Variants in HSPG2 observed in about 807,000 individuals in gnomAD.
HSPG2 encodes the protein basement membrane-specific heparan sulfate proteoglycan core protein.
A neutral mutation model predicts 526.6 loss-of-function variants in HSPG2; 278 were observed. That is an observed-to-expected ratio of 0.53 (90% confidence interval 0.48 to 0.58). The LOEUF (loss-of-function observed/expected upper bound fraction) is 0.58, where lower values mean the gene tolerates loss of function less well. Among genes scored for constraint, HSPG2 ranks in the 20% least tolerant of loss-of-function variants. HSPG2 has a pLI of 0.00. For synonymous variants in HSPG2, 2,465 were observed against 2,555.4 expected (o/e 0.96, Z 1.07); for missense variants, 5,354 against 6,099.5 (o/e 0.88, Z 4.07).
chr1:21,825,693 C>T lies in HSPG2; in HGVS notation c.12590-914G>A, dbSNP rs547443315. 2.9e-3 allele frequency among the ~76,000 whole-genome samples: 441 copies of T among 152,320 alleles called. 2 individuals carry two copies. Among genetic ancestry groups the T allele is most frequent in the Admixed American group, 5.2e-3 (79 of 15,304 alleles). ...ACCTAACACCTATGATGTGGCTGTG[C>T]GGGGAGCGTCCCATCCAGCTACAGA... On this transcript the variant is annotated intron_variant, in intron 91 of 96. Coordinates refer to ENST00000374695, the MANE Select transcript of HSPG2 (RefSeq NM_005529.7).
At chr1:21,917,727 G>C (rs557847172) in intron 1 of HSPG2, among the ~76,000 whole-genome samples, 4 of 151,984 alleles carry the variant, frequency 2.6e-5, no homozygotes, top group Non-Finnish European at 4.4e-5. Context: ...CATGCCCTTC[G>C]AGCTAATCTA....
Position 21,875,150 on chromosome 1 carries a change from G to A in HSPG2, c.3303-148C>T, listed in dbSNP as rs959821836. 3.6e-5 allele frequency: 25 copies of A among 689,788 alleles called. No individual in the cohort carries two copies. The African/African-American group carries it at 3.9e-4, about 11-fold the overall frequency. 42.7% of individuals were successfully genotyped at this position (689,788 alleles called of 1,614,324 possible). On this transcript the variant is annotated intron_variant, in intron 25 of 96. Coordinates refer to ENST00000374695, the MANE Select transcript of HSPG2 (RefSeq NM_005529.7). ...CTGTCCAGATCTCCAGAGGCTGCGA[G>A]GACCGTGGCAAACAGCTGTTACCTG...
chr1:21,888,811 G>A (rs1347663958), intron 6 of HSPG2: 9 of 907,218 alleles, frequency 9.9e-6, no homozygotes, highest in Non-Finnish European at 1.4e-5. Context: ...CCCTAGCCAG[G>A]AGGACTTATT....
At chr1:21,899,914 C>T (rs918652605) in intron 1 of HSPG2, among the ~76,000 whole-genome samples, 3 of 152,234 alleles carry the variant, frequency 2.0e-5, no homozygotes, top group African/African-American at 7.2e-5. Flanking sequence ...ACCAGGGAGC[C>T]CAGGGTTGGC....
intron 1 of HSPG2, among the ~76,000 whole-genome samples, chr1:21,919,425 C>A (rs1401699940): frequency 3.2e-3 from 378 of 118,644 alleles, no homozygotes; most frequent in Middle Eastern, 4.2e-3. Flanking sequence ...GACCCTGTCT[C>A]AAAAAAAAAA....
intron 1 of HSPG2, among the ~76,000 whole-genome samples, chr1:21,899,019 T>C (rs1223439963): frequency 6.6e-6 from 1 of 152,108 alleles, no homozygotes; most frequent in African/African-American, 2.4e-5. Context: ...AACACACATC[T>C]GCAGGGAGAG....
intron 1 of HSPG2, among the ~76,000 whole-genome samples, chr1:21,927,440 C>CA: frequency 6.6e-6 from 1 of 152,114 alleles, no homozygotes; most frequent in Non-Finnish European, 1.5e-5. Context: ...GGACCAACTG[C>CA]AGGTTGGCCC....
chr1:21,854,130 A>G (rs1380865643), intron 50 of HSPG2, 63 bp downstream of exon 50: 47 of 1,489,490 alleles, frequency 3.2e-5, no homozygotes, highest in Non-Finnish European at 4.3e-5. Flanking sequence ...TGAAGAAGCC[A>G]CAGGCATCTT....
chr1:21,910,341 C>T (rs1643596201), intron 1 of HSPG2, among the ~76,000 whole-genome samples: 1 of 152,220 alleles, frequency 6.6e-6, no homozygotes, highest in African/African-American at 2.4e-5. Flanking sequence ...CCCTGCCAGG[C>T]CCTGAGGCCC....
At chr1:21,918,378 T>C (rs996472785) in intron 1 of HSPG2, among the ~76,000 whole-genome samples, 12 of 150,628 alleles carry the variant, frequency 8.0e-5, no homozygotes, top group African/African-American at 2.7e-4. Flanking sequence ...GGCAGGAGAA[T>C]CACTTGAACC....
chr1:21,870,696 G>T, intron 33 of HSPG2: 1 of 378,326 alleles, frequency 2.6e-6, no homozygotes, highest in Non-Finnish European at 3.6e-6. Context: ...CAACCCTGGG[G>T]TCATGGGACA....
intron 69 of HSPG2, 74 bp downstream of exon 69, chr1:21,841,928 C>T (rs951610756): frequency 3.1e-6 from 5 of 1,590,786 alleles, no homozygotes; most frequent in Non-Finnish European, 4.3e-6. Flanking sequence ...TTCTGCCCCA[C>T]CCTTGCACAG....
chr1:21,906,960 G>A (rs757154125), intron 1 of HSPG2, among the ~76,000 whole-genome samples: 31 of 152,240 alleles, frequency 2.0e-4, no homozygotes, highest in South Asian at 1.0e-3. Flanking sequence ...AAGAAAAGCC[G>A]CAAGGCCCCA....
rs1640114728 is a variant in HSPG2, at chr1:21,864,992, T to G, written c.4477A>C (p.Ile1493Leu). ...GGCACGGAGGAGAACGTGGCCCGGA[T>G]CAGGAGCTCATCCAGGTCGGCCAGT... ...MALADLDELL[I>L]RATFSSVPLA... is the part of the protein sequence containing the mutation. Residue 1493 changes from isoleucine to leucine, a missense_variant, in exon 36 of 97, where the codon ATC becomes CTC. Coordinates refer to ENST00000374695, the MANE Select transcript of HSPG2 (RefSeq NM_005529.7). This position sits in a 1 kb window ranked among gnomAD's most constrained non-coding sequence, Gnocchi z 4.8. 1 of 1,585,532 alleles carries G rather than the reference T, an allele frequency of 6.3e-7. No homozygotes were observed. Among genetic ancestry groups the G allele is most frequent in the South Asian group, 1.1e-5 (1 of 87,596 alleles).
intron 1 of HSPG2, among the ~76,000 whole-genome samples, chr1:21,900,795 G>T (rs1260767943): frequency 6.6e-6 from 1 of 152,118 alleles, no homozygotes; most frequent in African/African-American, 2.4e-5. Context: ...TGAGGTAGGA[G>T]AATTGCTTGA....
At position 21,827,931 on chromosome 1, in the gene HSPG2, G is replaced by A; in HGVS notation, c.12533-12C>T. ...GCCATGTCCAGAGCCTATGGAGAAGGGCAGGGTCCAGTTGGTGGGCATAGA... is the reference window on the plus strand; with the variant it reads ...GCCATGTCCAGAGCCTATGGAGAAGAGCAGGGTCCAGTTGGTGGGCATAGA... On this transcript the variant is annotated splice_polypyrimidine_tract_variant and intron_variant, in intron 90 of 96. Transcript: ENST00000374695. 6.2e-7 allele frequency: 1 copy of A among 1,605,470 alleles called. No homozygotes were observed. Among genetic ancestry groups the A allele is most frequent in the Non-Finnish European group, 8.5e-7 (1 of 1,176,448 alleles).
rs576130436 is a variant in HSPG2, at chr1:21,904,382, G to C, written c.64-8072C>G. On this transcript the variant is annotated intron_variant, in intron 1 of 96. Coordinates refer to ENST00000374695, the MANE Select transcript of HSPG2 (RefSeq NM_005529.7). The surrounding 1 kb of genome is among the most constrained non-coding windows in gnomAD (Gnocchi z 4.4). ...AGAGGGCACGGCACGTTCGCGGGGT[G>C]GGAGGAAGCCTGGTGCAGCGGGACA... 7.2e-4 allele frequency among the ~76,000 whole-genome samples: 110 copies of C among 152,336 alleles called. 1 individual carries two copies. The highest frequency in any genetic ancestry group is 2.5e-3 in the African/African-American group (104 of 41,572).
chr1:21,898,430 G>A lies in HSPG2; in HGVS notation c.64-2120C>T, dbSNP rs1033003742. On this transcript the variant is annotated intron_variant, in intron 1 of 96. Coordinates refer to ENST00000374695, the MANE Select transcript of HSPG2 (RefSeq NM_005529.7). This position sits in a 1 kb window ranked among gnomAD's most constrained non-coding sequence, Gnocchi z 4.0. ...CTGTGGACTTCTAGGCTGTGCCCGT[G>A]GGATGCGCATTCAGGAGTGTGCTTT... Among the ~76,000 whole-genome samples, 3 of 152,212 alleles carry A rather than the reference G, an allele frequency of 2.0e-5. No individual in the cohort carries two copies. The highest frequency in any genetic ancestry group is 6.5e-5 in the Admixed American group (1 of 15,282).
chr1:21,886,086 CA>C (rs1641876267), intron 9 of HSPG2, among the ~76,000 whole-genome samples: 1 of 152,264 alleles, frequency 6.6e-6, no homozygotes, highest in Non-Finnish European at 1.5e-5. Context: ...ATCCACAGAG[CA>C]GGTGCGAGAG....
Sources: gnomAD v4.1 joint callset for allele counts (sites outside exome capture counted in the v4.1 genomes callset) on GRCh38, gnomAD v4.1.1 for gene constraint, Gnocchi (gnomAD v3.1) non-coding constraint, MANE v1.5 for transcripts, NCBI Gene and HGNC (gene_info 2026-07-23, HGNC 2026-07-21) for gene names.